Variants in PM20D2 observed in about 807,000 individuals in gnomAD.
The protein encoded by PM20D2 is xaa-Arg dipeptidase.
A neutral mutation model predicts 42.9 loss-of-function variants in PM20D2; 33 were observed. The ratio of observed to expected loss-of-function variants is 0.77; its 90% confidence interval spans 0.58 to 1.03. PM20D2 has a LOEUF of 1.03. Among genes scored for constraint, PM20D2 ranks in the 50% least tolerant of loss-of-function variants. The pLI is 0.00. For missense variants in PM20D2, 548 were observed against 557.0 expected, an observed-to-expected ratio of 0.98 and a Z score of 0.16; for synonymous variants, 250 against 228.2, an observed-to-expected ratio of 1.10 and a Z score of -0.86.
In PM20D2 at chr6:89,157,476, A is replaced by G. The variant is rs544313695; in HGVS notation, c.913-849A>G. On this transcript the variant is annotated intron_variant, in intron 4 of 6. Transcript: ENST00000275072. The stretch of plus-strand genomic sequence containing the variant: ...ATAAAAGCTGCTTCCGTATCTTTAT[A>G]TACTGAAATTAATAAATGAGGACTG... Among the ~76,000 whole-genome samples, 164 of 152,354 alleles carry G rather than the reference A, an allele frequency of 1.1e-3. 5 individuals carry two copies. The South Asian group carries it at 0.032, about 30-fold the overall frequency.
the PM20D2 span, among the ~76,000 whole-genome samples, chr6:89,103,344 T>C: frequency 2.0e-5 from 3 of 152,052 alleles, no homozygotes; most frequent in South Asian, 6.2e-4. Context: ...TTTTTTTTTT[T>C]TTGAGACAGA....
chr6:89,147,448 T>C (rs73754859), intron 1 of PM20D2, among the ~76,000 whole-genome samples: 242 of 152,306 alleles, frequency 1.6e-3, no homozygotes, highest in African/African-American at 5.6e-3. Flanking sequence ...CTTTTGTGGC[T>C]TTTTCACTTT....
the PM20D2 span, among the ~76,000 whole-genome samples, chr6:89,139,866 G>A: frequency 6.6e-6 from 1 of 152,164 alleles, no homozygotes; most frequent in African/African-American, 2.4e-5. Context: ...ACAGTGCAAG[G>A]TATGATGTAA....
Position 89,146,262 on chromosome 6 carries a change from G to C in PM20D2, c.118G>C (p.Ala40Pro). The C allele has an allele frequency of 6.3e-7, 1 of 1,580,488 alleles. No individual in the cohort carries two copies. Among genetic ancestry groups the C allele is most frequent in the Non-Finnish European group, 8.5e-7 (1 of 1,171,370 alleles). Residue 40 changes from alanine (A) to proline (P), a missense_variant, in exon 1 of 7, where the codon GCC (alanine) becomes CCC (proline). Coordinates refer to ENST00000275072, the MANE Select transcript of PM20D2 (RefSeq NM_001010853.3). The part of the protein sequence containing the change: ...CIDEAAERLG[A>P]LSRAIWSQPE... ...CGACGAGGCGGCCGAGCGGCTGGGG[G>C]CCCTGAGCCGCGCGATCTGGAGCCA...
chr6:89,118,004 C>A, the PM20D2 span: 2 of 1,099,604 alleles, frequency 1.8e-6, no homozygotes, highest in South Asian at 1.5e-5. Flanking sequence ...CCCCACCCCT[C>A]GGCCTCAGCC....
chr6:89,127,414 C>G, the PM20D2 span, among the ~76,000 whole-genome samples: 1 of 151,202 alleles, frequency 6.6e-6, no homozygotes, highest in Non-Finnish European at 1.5e-5. Flanking sequence ...ACTGCAACCT[C>G]TGCCTCCCGG....
rs1771343380 is a variant in PM20D2, at chr6:89,164,481, G to A, written c.*2218G>A. The A allele has an allele frequency of 6.6e-6, 1 of 152,590 alleles. No homozygotes were observed. The highest frequency in any genetic ancestry group is 2.4e-5 in the African/African-American group (1 of 41,432). 9.5% of individuals were successfully genotyped at this position (152,590 alleles called of 1,614,324 possible). A position where few individuals can be genotyped will look rare whatever the true frequency, so the allele number is the denominator to read the frequency against. On this transcript the variant is annotated 3_prime_UTR_variant, in exon 7 of 7. Transcript: ENST00000275072. ...CAAGGAAGATTGTTGTAACAGAAGAGTGACAACCAATAGTTTTTTGATCAT... is the reference window on the plus strand; with the variant it reads ...CAAGGAAGATTGTTGTAACAGAAGAATGACAACCAATAGTTTTTTGATCAT...
the PM20D2 span, among the ~76,000 whole-genome samples, chr6:89,130,809 G>GCTTCTT: frequency 1.1e-5 from 1 of 89,014 alleles, no homozygotes; most frequent in African/African-American, 4.6e-5. Flanking sequence ...TTTGTATCTG[G>GCTTCTT]CTTCTTCTTC....
At chr6:89,152,093 CAA>C (rs201115863) in intron 2 of PM20D2, among the ~76,000 whole-genome samples, 53 of 135,798 alleles carry the variant, frequency 3.9e-4, no homozygotes, top group African/African-American at 1.4e-3. Context: ...AGATGAGTAC[CAA>C]AAAAAAAAAA....
At chr6:89,105,156 A>G in the PM20D2 span, 5 of 1,612,652 alleles carry the variant, frequency 3.1e-6, no homozygotes, top group African/African-American at 1.3e-5. Context: ...TTTCTTCCCC[A>G]TGAAGAACTT....
chr6:89,117,689 G>C, the PM20D2 span: 5 of 858,636 alleles, frequency 5.8e-6, no homozygotes, highest in Non-Finnish European at 6.5e-6. Context: ...ACCTCCCCAA[G>C]TGGCGCAGCC....
chr6:89,147,567 G>T (rs1236308872), intron 1 of PM20D2, among the ~76,000 whole-genome samples: 3 of 151,892 alleles, frequency 2.0e-5, no homozygotes, highest in Non-Finnish European at 4.4e-5. Flanking sequence ...GAGAGATTTC[G>T]CTTCAACCAC....
At chr6:89,158,007 A>G (rs531142357) in intron 4 of PM20D2, among the ~76,000 whole-genome samples, 1 of 152,212 alleles carries the variant, frequency 6.6e-6, no homozygotes, top group East Asian at 1.9e-4. Flanking sequence ...ACTCCATCTC[A>G]AAAATAAAAT....
chr6:89,144,578 G>C (rs1242083834), upstream of PM20D2, among the ~76,000 whole-genome samples: 1 of 152,210 alleles, frequency 6.6e-6, no homozygotes, highest in Admixed American at 6.5e-5. Flanking sequence ...TCTGTAAAAT[G>C]AAGATAAATA....
At chr6:89,119,327 G>A in the PM20D2 span, among the ~76,000 whole-genome samples, 29 of 152,342 alleles carry the variant, frequency 1.9e-4, no homozygotes, top group Non-Finnish European at 4.0e-4. Context: ...GGCATTGTGG[G>A]ATGGTGAGCA....
At chr6:89,115,822 A>T in the PM20D2 span, among the ~76,000 whole-genome samples, 2 of 151,116 alleles carry the variant, frequency 1.3e-5, no homozygotes, top group Non-Finnish European at 2.9e-5. Context: ...TTTTTAGTAG[A>T]GACGGGGTTT....
At chr6:89,094,339 G>A in the PM20D2 span, among the ~76,000 whole-genome samples, 1 of 151,948 alleles carries the variant, frequency 6.6e-6, no homozygotes, top group Non-Finnish European at 1.5e-5. Flanking sequence ...TTCTGCCTCA[G>A]CCTCCTGAGT....
chr6:89,145,033 T>C (rs1237957018), upstream of PM20D2, among the ~76,000 whole-genome samples: 1 of 152,240 alleles, frequency 6.6e-6, no homozygotes, highest in Non-Finnish European at 1.5e-5. Context: ...TCATTTGGTT[T>C]ATCACATTAA....
the PM20D2 span, among the ~76,000 whole-genome samples, chr6:89,122,502 G>A: frequency 6.6e-6 from 1 of 152,168 alleles, no homozygotes; most frequent in Non-Finnish European, 1.5e-5. Context: ...AAATGGCTCA[G>A]AATGGGCTAA....
Sources: gnomAD v4.1 joint callset for allele counts (sites outside exome capture counted in the v4.1 genomes callset) on GRCh38, gnomAD v4.1.1 for gene constraint, MANE v1.5 for transcripts, NCBI Gene and HGNC (gene_info 2026-07-23, HGNC 2026-07-21) for gene names.